Variants in UNC80 observed in about 807,000 individuals in gnomAD.
UNC80 encodes protein unc-80 homolog.
Under a neutral mutation model 384.6 loss-of-function variants are expected in UNC80, and 164 were observed. The observed-to-expected ratio is 0.43, with a 90% CI of 0.38 to 0.49. UNC80 has a LOEUF of 0.49. UNC80 is among the 20% of genes least tolerant of loss of function. The probability of loss-of-function intolerance (pLI) is 0.00; values close to 1 mark genes in which losing one functional copy is unlikely to be tolerated. For missense variants in UNC80, 3,330 were observed against 4,143.0 expected (o/e 0.80, Z 5.39); for synonymous variants, 1,486 against 1,527.8 (o/e 0.97, Z 0.64).
intron 47 of UNC80, among the ~76,000 whole-genome samples, chr2:209,950,328 C>CT (rs1212497880): frequency 4.6e-5 from 7 of 151,452 alleles, no homozygotes; most frequent in South Asian, 2.1e-4. Flanking sequence ...TCCTGATATG[C>CT]TTTTTTTAAA....
chr2:209,858,864 A>C (rs924706375), intron 22 of UNC80, among the ~76,000 whole-genome samples: 3 of 150,984 alleles, frequency 2.0e-5, no homozygotes, highest in Non-Finnish European at 4.4e-5. Flanking sequence ...TTATTTTTTC[A>C]TTGTGTGTGC....
rs2076590557 is a variant in UNC80, at chr2:209,771,841, G to GCCCC, written c.-229_-226dup. ...GGCGAGGCGGACCGCTGCTCCGAGC[G>GCCCC]CCCCCCTCCTCGCTCCGCGGCTCCT... On this transcript the variant is annotated 5_prime_UTR_variant, in exon 1 of 65. Coordinates refer to ENST00000673920, the MANE Select transcript of UNC80 (RefSeq NM_001371986.1). Among the ~76,000 whole-genome samples, 1 of 152,070 alleles carries GCCCC rather than the reference G, an allele frequency of 6.6e-6. No homozygotes were observed. The highest frequency in any genetic ancestry group is 1.5e-5 in the Non-Finnish European group (1 of 68,010).
chr2:209,931,124 C>A, intron 38 of UNC80, 70 bp downstream of exon 38: 1 of 1,204,028 alleles, frequency 8.3e-7, no homozygotes, highest in Non-Finnish European at 1.2e-6. Context: ...AGATTTTTTT[C>A]AATAAATTTC....
intron 6 of UNC80, among the ~76,000 whole-genome samples, chr2:209,792,704 G>T (rs2077898184): frequency 1.3e-5 from 2 of 152,260 alleles, no homozygotes; most frequent in Middle Eastern, 3.4e-3. Context: ...GGGTTAAAAA[G>T]AATATATTAT....
intron 61 of UNC80, among the ~76,000 whole-genome samples, chr2:209,989,324 C>CAA (rs5838190): frequency 1.4e-5 from 2 of 140,856 alleles, no homozygotes; most frequent in African/African-American, 2.6e-5. Flanking sequence ...GACTCTGTCT[C>CAA]AAAAAAAAAA....
chr2:209,904,910 T>A lies in UNC80; in HGVS notation c.4727T>A (p.Leu1576Gln). 1.3e-6 allele frequency: 2 copies of A among 1,551,770 alleles called. No homozygotes were observed. The highest frequency in any genetic ancestry group is 4.9e-5 in the East Asian group (2 of 40,916). The change falls in exon 29 of 65, where the codon CTG becomes CAG. Residue 1576 changes from leucine to glutamine, a missense_variant. Physicochemically the swap from Leu to Gln is moderately radical, Grantham distance 113. Transcript: ENST00000673920. Reference sequence around the variant, plus strand: ...CTCTATGGAGACAGTGTGGACTCCCTGAGGGAAAGCAGCAACATCAGCAGT... The same window carrying A: ...CTCTATGGAGACAGTGTGGACTCCCAGAGGGAAAGCAGCAACATCAGCAGT... ...KLLYGDSVDSLRESSNISSVA... is the reference protein window; with the variant it reads ...KLLYGDSVDSQRESSNISSVA...
chr2:209,966,670 C>T (rs983412314), intron 51 of UNC80, among the ~76,000 whole-genome samples: 1 of 152,322 alleles, frequency 6.6e-6, no homozygotes, highest in African/African-American at 2.4e-5. Context: ...ACACTTGGGT[C>T]TGGTGACTGC....
intron 20 of UNC80, among the ~76,000 whole-genome samples, chr2:209,841,670 A>T (rs10205545): frequency 0.049 from 7,430 of 152,128 alleles, 582 homozygotes; most frequent in African/African-American, 0.17. Context: ...TCTTTTATCT[A>T]GTCTGTTTTA....
chr2:209,934,212 G>A (rs2091086970), intron 39 of UNC80, among the ~76,000 whole-genome samples: 1 of 152,156 alleles, frequency 6.6e-6, no homozygotes, highest in African/African-American at 2.4e-5. Flanking sequence ...TGAAAAGGGA[G>A]ACTCAGAACT....
intron 22 of UNC80, among the ~76,000 whole-genome samples, chr2:209,871,432 C>G (rs1329229995): frequency 6.6e-6 from 1 of 152,074 alleles, no homozygotes; most frequent in Admixed American, 6.5e-5. Context: ...TATTATAATT[C>G]TAAAAGTTAA....
At chr2:209,989,159 CA>C (rs11288927) in intron 61 of UNC80, among the ~76,000 whole-genome samples, 71,371 of 140,680 alleles carry the variant, frequency 0.51, 17,695 homozygotes, top group African/African-American at 0.56. Context: ...CAAAAAATAC[CA>C]AAAAAAAAAA....
intron 61 of UNC80, among the ~76,000 whole-genome samples, chr2:209,991,059 C>G (rs1308225677): frequency 6.6e-6 from 1 of 152,214 alleles, no homozygotes. Context: ...CCACCAGTTT[C>G]TCTCCTTACT....
chr2:209,961,555 A>G (rs2092590770), intron 51 of UNC80: 1 of 152,208 alleles, frequency 6.6e-6, no homozygotes, highest in South Asian at 2.1e-4. Context: ...TCAAGGAGTT[A>G]ATTATTTTTA....
intron 61 of UNC80, 95 bp downstream of exon 61, chr2:209,985,007 G>T (rs73005310): frequency 9.0e-7 from 1 of 1,107,224 alleles, no homozygotes; most frequent in Non-Finnish European, 1.3e-6. Context: ...GTCTCTTCTC[G>T]CCCCGTCTTA....
At chr2:209,787,002 TA>T (rs2153825296) in intron 5 of UNC80, among the ~76,000 whole-genome samples, 1 of 131,676 alleles carries the variant, frequency 7.6e-6, no homozygotes, top group South Asian at 2.4e-4. Context: ...TATATATATA[TA>T]TATATATATA....
chr2:209,808,730 C>A (rs1458731493), intron 7 of UNC80: 2 of 221,010 alleles, frequency 9.0e-6, no homozygotes, highest in Non-Finnish European at 1.8e-5. Context: ...ACTCATTGCT[C>A]CAAGGCTCGG....
intron 38 of UNC80, among the ~76,000 whole-genome samples, chr2:209,933,266 T>C (rs2091016088): frequency 1.3e-5 from 2 of 152,078 alleles, no homozygotes; most frequent in African/African-American, 4.8e-5. Flanking sequence ...TTTTCAAAAT[T>C]ACATTAGAAG....
chr2:209,831,470 C>G lies in UNC80; in HGVS notation c.2654C>G (p.Thr885Ser). 2 of 1,550,444 alleles carry G rather than the reference C, an allele frequency of 1.3e-6. No individual in the cohort carries two copies. Among genetic ancestry groups the G allele is most frequent in the Middle Eastern group, 3.3e-4 (2 of 5,980 alleles). ...DNKAGFGNNF[T>S]TVDNKSTAQN... ...AAGGCTGGGTTTGGAAATAACTTCA[C>G]CACAGTGGACAACAAATCCACAGCC... Residue 885 changes from threonine (T) to serine (S), a missense_variant, in exon 16 of 65, where the codon ACC becomes AGC. Around this residue, in one of 8 missense-constraint regions of UNC80, gnomAD observed 937 missense variants for 1,026.8 expected, o/e 0.91. Transcript: ENST00000673920.
intron 7 of UNC80, among the ~76,000 whole-genome samples, chr2:209,802,445 CAAAAATTTGAAAGTTA>C (rs2078625632): frequency 6.6e-6 from 1 of 151,940 alleles, no homozygotes; most frequent in Non-Finnish European, 1.5e-5. Flanking sequence ...CAATTTAAAA[CAAAAATTTGAAAGTTA>C]AAAATTTTAA....
Sources: gnomAD v4.1 joint callset for allele counts (sites outside exome capture counted in the v4.1 genomes callset) on GRCh38, gnomAD v4.1.1 for gene constraint, gnomAD v4.1.1 regional missense constraint, MANE v1.5 for transcripts, NCBI Gene and HGNC (gene_info 2026-07-23, HGNC 2026-07-21) for gene names.